ADGB: variants seen among roughly 807,000 people sequenced by gnomAD.
ADGB encodes androglobin.
ADGB carries 172 observed loss-of-function variants against 210.5 expected under a neutral mutation model. The ratio of observed to expected loss-of-function variants is 0.82; its 90% CI spans 0.72 to 0.93. The LOEUF is 0.93. ADGB is among the 40% of genes least tolerant of loss of function. The probability of loss-of-function intolerance (pLI) is 0.00; values close to 1 mark genes in which losing one functional copy is unlikely to be tolerated. For synonymous variants in ADGB, 658 were observed against 662.7 expected (o/e 0.99, Z 0.11); for missense variants, 2,025 against 1,964.8 (o/e 1.03, Z -0.58).
chr6:146,716,099 A>G (rs1015187042), intron 14 of ADGB, among the ~76,000 whole-genome samples: 1 of 151,736 alleles, frequency 6.6e-6, no homozygotes, highest in Admixed American at 6.6e-5. Flanking sequence ...CTTGGTAAAT[A>G]TAAAATAAGG....
chr6:146,648,059 GTT>G (rs1194654153), intron 3 of ADGB, among the ~76,000 whole-genome samples: 1 of 151,836 alleles, frequency 6.6e-6, no homozygotes, highest in East Asian at 1.9e-4. Flanking sequence ...GGACTTTCTT[GTT>G]TTATGTGGTC....
In ADGB at chr6:146,729,735, G is replaced by A. The variant is rs117342610; in HGVS notation, c.2520+994G>A. Among the ~76,000 whole-genome samples, 372 of 152,234 alleles carry A rather than the reference G, an allele frequency of 2.4e-3. 1 individual carries two copies. Among genetic ancestry groups the A allele is most frequent in the Non-Finnish European group, 4.3e-3 (293 of 68,022 alleles). On this transcript the variant is annotated intron_variant, in intron 20 of 35. Transcript: ENST00000397944. ...CTGGGGTTAGAGGCATCAGCATTGCGCCTGGCCAACATGGGATACTTGTTA... is the reference window on the plus strand; with the variant it reads ...CTGGGGTTAGAGGCATCAGCATTGCACCTGGCCAACATGGGATACTTGTTA...
chr6:146,813,221 A>G (rs144366766), intron 35 of ADGB, among the ~76,000 whole-genome samples: 1 of 152,214 alleles, frequency 6.6e-6, no homozygotes, highest in East Asian at 1.9e-4. Flanking sequence ...TTTGGTCTCA[A>G]CATTCTTTCT....
intron 17 of ADGB, 127 bp downstream of exon 17, chr6:146,721,632 G>A: frequency 1.6e-6 from 1 of 619,914 alleles, no homozygotes; most frequent in East Asian, 2.8e-5. Context: ...GAAGTCAGGA[G>A]TCCTAGGCCA....
In ADGB at chr6:146,740,575, C is replaced by A. The variant is rs966111017; in HGVS notation, c.3005C>A (p.Ser1002Tyr). 2.6e-6 allele frequency: 4 copies of A among 1,550,582 alleles called. No homozygotes were observed. Among genetic ancestry groups the A allele is most frequent in the African/African-American group, 2.7e-5 (2 of 73,006 alleles). ...TVTYQEQPPN[S>Y]WFIVFRETFL... ...ACTTATCAAGAACAGCCACCAAATT[C>A]TTGGTTTATAGTATTCAGGTGAGGT... Residue 1002 changes from serine to tyrosine, a missense_variant, in exon 24 of 36, where the codon TCT (serine) becomes TAT (tyrosine). By Grantham distance (144) the Ser-to-Tyr change is moderately radical. Transcript: ENST00000397944.
chr6:146,599,003 T>TC lies in ADGB; in HGVS notation c.-38_-37insC. ...GGAGCCGAGCGCGCCCGCAGGCTCT[T>TC]TGCTCAGAGCTCAGCCCTACATAGA... On this transcript the variant is annotated 5_prime_UTR_variant, in exon 1 of 36. Transcript: ENST00000397944. 1 of 1,535,376 alleles carries TC rather than the reference T, an allele frequency of 6.5e-7. No individual in the cohort carries two copies. Among genetic ancestry groups the TC allele is most frequent in the Non-Finnish European group, 8.8e-7 (1 of 1,132,390 alleles).
chr6:146,804,567 T>C (rs1373229472), intron 35 of ADGB, among the ~76,000 whole-genome samples: 1 of 152,202 alleles, frequency 6.6e-6, no homozygotes, highest in African/African-American at 2.4e-5. Flanking sequence ...ATCTTTGACT[T>C]CTGTCACTCC....
At chr6:146,662,211 A>T (rs1332984533) in intron 5 of ADGB, among the ~76,000 whole-genome samples, 3 of 151,928 alleles carry the variant, frequency 2.0e-5, no homozygotes, top group Admixed American at 1.3e-4. Flanking sequence ...TATTCCTTCA[A>T]CTATATTTTT....
In ADGB at chr6:146,784,786, G is replaced by A. The variant is rs1346370300; in HGVS notation, c.4204G>A (p.Ala1402Thr). 1 of 1,545,658 alleles carries A rather than the reference G, an allele frequency of 6.5e-7. No individual in the cohort carries two copies. The highest frequency in any genetic ancestry group is 1.4e-5 in the African/African-American group (1 of 72,658). Residue 1402 changes from alanine to threonine, a missense_variant, in exon 31 of 36, where the codon GCA (alanine) becomes ACA (threonine). Coordinates refer to ENST00000397944, the MANE Select transcript of ADGB (RefSeq NM_024694.4). The part of the protein sequence containing the change: ...QAWETTEPGR[A>T]IKASQARLHY... ...CTGGGAGACAACTGAGCCAGGAAGA[G>A]CAATCAAGGTCACCTGATTTCGAAA...
intron 29 of ADGB, among the ~76,000 whole-genome samples, 166 bp downstream of exon 29, chr6:146,769,297 A>G (rs1777620467): frequency 6.6e-6 from 1 of 152,106 alleles, no homozygotes. Flanking sequence ...GTGTTAATTG[A>G]TTATATGTTT....
At chr6:146,666,161 G>A (rs4279456) in intron 6 of ADGB, among the ~76,000 whole-genome samples, 55,229 of 151,934 alleles carry the variant, frequency 0.36, 11,228 homozygotes, top group East Asian at 0.51. Flanking sequence ...GTCAGCTGAA[G>A]CCGTGACTCC....
In ADGB at chr6:146,691,225, C is replaced by A; in HGVS notation, c.1421C>A (p.Pro474His). ...CCTCTGGTAGCACCACCAAAACCACCTCCTCTACCTCCCTGGAAACTCATT... is the reference window on the plus strand; with the variant it reads ...CCTCTGGTAGCACCACCAAAACCACATCCTCTACCTCCCTGGAAACTCATT... ...SCPLVAPPKP[P>H]PLPPWKLIRQ... is the part of the protein sequence containing the mutation. Residue 474 changes from proline to histidine, a missense_variant, in exon 11 of 36, where the codon CCT becomes CAT. Transcript: ENST00000397944. The A allele has an allele frequency of 6.5e-7, 1 of 1,548,778 alleles. No homozygotes were observed. The highest frequency in any genetic ancestry group is 8.7e-7 in the Non-Finnish European group (1 of 1,146,298).
Position 146,644,881 on chromosome 6 carries a change from C to G in ADGB, c.330+16C>G. ...ATTTAGTCAGGTAAGAAAGTTTTTT[C>G]TATTAAATAAAATACTTACTATGTG... On this transcript the variant is annotated intron_variant, in intron 3 of 35. Transcript: ENST00000397944. 5 of 1,404,106 alleles carry G rather than the reference C, an allele frequency of 3.6e-6. No individual in the cohort carries two copies. The highest frequency in any genetic ancestry group is 4.7e-6 in the Non-Finnish European group (5 of 1,055,954). The allele number at this position is 1,404,106 out of a possible 1,614,324, so 87.0% of individuals were successfully genotyped here. A position where few individuals can be genotyped will look rare whatever the true frequency, so the allele number is the denominator to read the frequency against.
In ADGB at chr6:146,721,440, A is replaced by G. The variant is rs1359535308; in HGVS notation, c.2030A>G (p.Asp677Gly). Residue 677 changes from aspartate (D) to glycine (G), a missense_variant, in exon 17 of 36, where the codon GAT (aspartate) becomes GGT (glycine). Coordinates refer to ENST00000397944, the MANE Select transcript of ADGB (RefSeq NM_024694.4). ...EERVSYYLFV[D>G]SLKPIELLVC... ...CGAGTGTCCTACTATCTATTTGTAG[A>G]TAGTCTAAAACCTATTGAACTACTG... 4 of 1,551,194 alleles carry G rather than the reference A, an allele frequency of 2.6e-6. No homozygotes were observed. Among genetic ancestry groups the G allele is most frequent in the East Asian group, 4.9e-5 (2 of 40,932 alleles).
chr6:146,686,378 T>C (rs1316167881), intron 10 of ADGB, among the ~76,000 whole-genome samples: 2 of 152,128 alleles, frequency 1.3e-5, no homozygotes, highest in Non-Finnish European at 2.9e-5. Flanking sequence ...AAAATATTTA[T>C]AGTATAAATG....
In ADGB at chr6:146,716,953, G is replaced by T. The variant is rs61748896; in HGVS notation, c.1812G>T (p.Glu604Asp). The change falls in exon 15 of 36, where the codon GAG becomes GAT. Residue 604 changes from glutamate (E) to aspartate (D), a missense_variant. Transcript: ENST00000397944. ...HQSDGLNLER[E>D]IVSQTTATQE... ...GTGATGGATTAAACTTGGAAAGAGA[G>T]ATAGTCAGCCAGACCACAGCAACAC... 0.014 allele frequency: 22,461 copies of T among 1,551,454 alleles called. 2,457 individuals carry two copies. The African/African-American group carries it at 0.25, about 18-fold the overall frequency.
rs13437354 is a variant in ADGB, at chr6:146,664,647, T to C, written c.752+307T>C. On this transcript the variant is annotated intron_variant, in intron 6 of 35. Coordinates refer to ENST00000397944, the MANE Select transcript of ADGB (RefSeq NM_024694.4). ...TTTGTTTAATAGGAGAAAAAATTGT[T>C]TTGTGGGAGAAAAATATTGGTTCAT... is the stretch of plus-strand genomic sequence containing the variant. Among the ~76,000 whole-genome samples, 607 of 152,124 alleles carry C rather than the reference T, an allele frequency of 4.0e-3. 1 individual carries two copies. The highest frequency in any genetic ancestry group is 0.014 in the African/African-American group (591 of 41,538).
intron 30 of ADGB, 28 bp downstream of exon 30, chr6:146,782,220 T>C: frequency 6.7e-7 from 1 of 1,488,994 alleles, no homozygotes; most frequent in Non-Finnish European, 8.9e-7. Context: ...TTTATTTGAG[T>C]GACTTAATGA....
chr6:146,791,267 C>G (rs892933979), intron 33 of ADGB, among the ~76,000 whole-genome samples: 3 of 152,196 alleles, frequency 2.0e-5, no homozygotes, highest in Non-Finnish European at 4.4e-5. Flanking sequence ...ATTGCCCACA[C>G]TGATATCATG....
Sources: gnomAD v4.1 joint callset for allele counts (sites outside exome capture counted in the v4.1 genomes callset) on GRCh38, gnomAD v4.1.1 for gene constraint, MANE v1.5 for transcripts, NCBI Gene and HGNC (gene_info 2026-07-23, HGNC 2026-07-21) for gene names.